Variants in TXK observed in about 807,000 individuals in gnomAD.
TXK encodes the protein tyrosine-protein kinase TXK.
In TXK, 60 loss-of-function variants were observed where a neutral mutation model predicts 81.0. That is an observed-to-expected ratio of 0.74 (90% CI 0.60 to 0.92). The LOEUF is 0.92. TXK is among the 40% of genes least tolerant of loss of function. The probability of loss-of-function intolerance (pLI) is 0.00; values close to 1 mark genes in which losing one functional copy is unlikely to be tolerated. For missense variants in TXK, 581 were observed against 638.3 expected (o/e 0.91, Z 0.97); for synonymous variants, 203 against 210.7 (o/e 0.96, Z 0.32).
intron 4 of TXK, among the ~76,000 whole-genome samples, chr4:48,112,036 A>C (rs1282252011): frequency 6.6e-6 from 1 of 152,246 alleles, no homozygotes; most frequent in African/African-American, 2.4e-5. Context: ...TATTATTTCC[A>C]TTGTACAAAT....
intron 1 of TXK, among the ~76,000 whole-genome samples, chr4:48,123,076 A>G (rs549007021): frequency 6.6e-6 from 1 of 152,370 alleles, no homozygotes; most frequent in African/African-American, 2.4e-5. Flanking sequence ...AAATTATTTA[A>G]TATCATCAAA....
intron 10 of TXK, among the ~76,000 whole-genome samples, chr4:48,084,707 T>C (rs1717443687): frequency 6.6e-6 from 1 of 152,176 alleles, no homozygotes; most frequent in African/African-American, 2.4e-5. Flanking sequence ...GAAATTGTGT[T>C]TGTAACAACT....
At chr4:48,121,083 TTTC>T (rs750917960) in intron 1 of TXK, among the ~76,000 whole-genome samples, 2 of 152,172 alleles carry the variant, frequency 1.3e-5, no homozygotes, top group African/African-American at 2.4e-5. Context: ...AAGCTTTTGA[TTTC>T]TTCTTTTCTT....
chr4:48,132,602 G>A lies in TXK; in HGVS notation c.16+1553C>T, dbSNP rs984898064. ...CTCATTTATATATGTGTGTATGTGT[G>A]TGTGTATATATATTTAAGGCAAAAG... is the stretch of plus-strand genomic sequence containing the variant. On this transcript the variant is annotated intron_variant, in intron 1 of 14. Coordinates refer to ENST00000264316, the MANE Select transcript of TXK (RefSeq NM_003328.3). Among the ~76,000 whole-genome samples, 6 of 152,244 alleles carry A rather than the reference G, an allele frequency of 3.9e-5. No homozygotes were observed. In the South Asian group the frequency reaches 1.0e-3, roughly 26 times the overall value.
chr4:48,074,194 G>T, intron 12 of TXK, 141 bp from the exon 13 acceptor site: 1 of 596,468 alleles, frequency 1.7e-6, no homozygotes. Context: ...TGTTAGTAGA[G>T]TGTGAAAGTG....
intron 6 of TXK, among the ~76,000 whole-genome samples, chr4:48,101,247 T>C (rs1184448706): frequency 6.6e-6 from 1 of 152,144 alleles, no homozygotes; most frequent in Non-Finnish European, 1.5e-5. Context: ...TAAATATAAA[T>C]TATCAAACAT....
intron 14 of TXK, among the ~76,000 whole-genome samples, chr4:48,070,394 T>C (rs548554607): frequency 6.6e-6 from 1 of 152,310 alleles, no homozygotes; most frequent in African/African-American, 2.4e-5. Flanking sequence ...GTTTAATCTG[T>C]AGCAGGAGTC....
At chr4:48,078,177 A>C (rs1717143223) in intron 11 of TXK, among the ~76,000 whole-genome samples, 1 of 152,212 alleles carries the variant, frequency 6.6e-6, no homozygotes, top group African/African-American at 2.4e-5. Context: ...TCAGATATCT[A>C]GGCCTTGATC....
rs1282203384 is a variant in TXK, at chr4:48,125,208, C to CT, written c.16+8946_16+8947insA. Reference sequence around the variant, plus strand: ...AGAAGTCAAACCCAGAGTCCATGAGCATCACAATAGGACTATCCTTGTGGA... The same window carrying CT: ...AGAAGTCAAACCCAGAGTCCATGAGCTATCACAATAGGACTATCCTTGTGGA... On this transcript the variant is annotated intron_variant, in intron 1 of 14. Transcript: ENST00000264316. Among the ~76,000 whole-genome samples the CT allele has an allele frequency of 5.9e-5, 9 of 152,344 alleles. No homozygotes were observed. The East Asian group carries it at 1.2e-3, about 20-fold the overall frequency.
At position 48,110,612 on chromosome 4, in the gene TXK, A is replaced by T. The variant is rs1365999070; in HGVS notation, c.381-9T>A. On this transcript the variant is annotated splice_polypyrimidine_tract_variant and intron_variant, in intron 4 of 14. Transcript: ENST00000264316. ...GGATTAAGCCTTCATTCCTACAACA[A>T]AAGAAAAAGCAAAAATCAAAATGCT... 1 of 1,609,350 alleles carries T rather than the reference A, an allele frequency of 6.2e-7. No homozygotes were observed. The highest frequency in any genetic ancestry group is 8.5e-7 in the Non-Finnish European group (1 of 1,177,088).
At chr4:48,117,169 T>C (rs1718835488) in intron 1 of TXK, among the ~76,000 whole-genome samples, 1 of 152,182 alleles carries the variant, frequency 6.6e-6, no homozygotes, top group African/African-American at 2.4e-5. Context: ...ATTACAGTTA[T>C]GAGTCACCGC....
rs776439850 is a variant in TXK, at chr4:48,067,391, A to C, written c.*246T>G. 4.5e-4 allele frequency: 197 copies of C among 441,342 alleles called. No homozygotes were observed. Among genetic ancestry groups the C allele is most frequent in the Non-Finnish European group, 7.1e-4 (173 of 244,878 alleles). The allele number at this position is 441,342 out of a possible 1,614,324, so 27.3% of individuals were successfully genotyped here. A position where few individuals can be genotyped will look rare whatever the true frequency, so the allele number is the denominator to read the frequency against. ...GCTGCGAAGTCTTTTTCACTTCTTC[A>C]CATTTGGGATGTGAAATATTTTACA... On this transcript the variant is annotated 3_prime_UTR_variant, in exon 15 of 15. Coordinates refer to ENST00000264316, the MANE Select transcript of TXK (RefSeq NM_003328.3).
intron 6 of TXK, among the ~76,000 whole-genome samples, chr4:48,100,609 C>G (rs1481194656): frequency 6.6e-6 from 1 of 152,146 alleles, no homozygotes; most frequent in Non-Finnish European, 1.5e-5. Flanking sequence ...TAAATTGATA[C>G]AACTCCTACT....
chr4:48,083,893 C>T (rs1279536897), intron 10 of TXK, among the ~76,000 whole-genome samples: 1 of 152,150 alleles, frequency 6.6e-6, no homozygotes, highest in Admixed American at 6.6e-5. Context: ...GGTATGCCAA[C>T]TTAAACAGAG....
intron 10 of TXK, among the ~76,000 whole-genome samples, chr4:48,081,696 C>T (rs1301914329): frequency 6.6e-6 from 1 of 152,010 alleles, no homozygotes. Context: ...CAAGTTAATA[C>T]CCTCCACTCT....
At chr4:48,118,308 A>G (rs1353151370) in intron 1 of TXK, among the ~76,000 whole-genome samples, 1 of 152,212 alleles carries the variant, frequency 6.6e-6, no homozygotes, top group Non-Finnish European at 1.5e-5. Context: ...AAATCAAGCC[A>G]GAGATTTTCT....
At chr4:48,091,792 A>G (rs539872081) in intron 8 of TXK, among the ~76,000 whole-genome samples, 2 of 152,344 alleles carry the variant, frequency 1.3e-5, no homozygotes, top group South Asian at 4.1e-4. Context: ...GGCATGAGCC[A>G]CTGCACCCAG....
At chr4:48,122,821 C>A (rs62298965) in intron 1 of TXK, among the ~76,000 whole-genome samples, 2 of 152,148 alleles carry the variant, frequency 1.3e-5, no homozygotes, top group African/African-American at 4.8e-5. Context: ...TGGAACAGAA[C>A]AAGCAGGTTC....
At chr4:48,099,886 T>C (rs1402734421) in intron 6 of TXK, among the ~76,000 whole-genome samples, 1 of 152,140 alleles carries the variant, frequency 6.6e-6, no homozygotes, top group Non-Finnish European at 1.5e-5. Flanking sequence ...GGATCAAAGA[T>C]AAAAATGCGT....
Sources: gnomAD v4.1 joint callset for allele counts (sites outside exome capture counted in the v4.1 genomes callset) on GRCh38, gnomAD v4.1.1 for gene constraint, MANE v1.5 for transcripts, NCBI Gene and HGNC (gene_info 2026-07-23, HGNC 2026-07-21) for gene names.